Variants in MYO5A observed in about 807,000 individuals in gnomAD.
The protein encoded by MYO5A is unconventional myosin-Va.
MYO5A carries 98 observed loss-of-function variants against 249.7 expected under a neutral mutation model. The ratio of observed to expected loss-of-function variants is 0.39; its 90% CI spans 0.33 to 0.46. MYO5A has a LOEUF of 0.46. Ranked by LOEUF, MYO5A falls within the 20% of genes least tolerant of loss-of-function variation. MYO5A has a pLI of 0.98. For synonymous variants in MYO5A, 778 were observed against 810.6 expected (o/e 0.96, Z 0.68); for missense variants, 1,696 against 2,308.8 (o/e 0.73, Z 5.44).
intron 1 of MYO5A, among the ~76,000 whole-genome samples, chr15:52,479,412 T>C (rs2076670208): frequency 6.6e-6 from 1 of 152,184 alleles, no homozygotes; most frequent in South Asian, 2.1e-4. Flanking sequence ...GGCTACATAG[T>C]TCATCTGAGA....
rs143778830 is a variant in MYO5A at position 52,359,625 on chromosome 15, A to T, written c.3423+343T>A. ...ACAGATATAAAGTAAATAAATAATA[A>T]GTAAAAATAAAATAATTTACCTCAG... On this transcript the variant is annotated intron_variant, in intron 25 of 41. Transcript: ENST00000399233. 4.4e-4 allele frequency among the ~76,000 whole-genome samples: 67 copies of T among 152,332 alleles called. 1 individual carries two copies. In the East Asian group the frequency reaches 7.1e-3, roughly 16 times the overall value.
In MYO5A at chr15:52,330,223, A is replaced by G. The variant is rs2038824605; in HGVS notation, c.4555+130T>C. The G allele has an allele frequency of 6.5e-6, 8 of 1,238,362 alleles. No homozygotes were observed. The South Asian group carries it at 9.7e-5, about 15-fold the overall frequency. 76.7% of individuals were successfully genotyped at this position (1,238,362 alleles called of 1,614,324 possible). ...GGTGTGGTCAGAACACTACTGCAGC[A>G]CTAGAATACATGGTATCTGATGATG... On this transcript the variant is annotated intron_variant, in intron 35 of 41. Transcript: ENST00000399233.
chr15:52,370,187 G>A lies in MYO5A; in HGVS notation c.3048C>T (p.Tyr1016=), dbSNP rs1368649142. The A allele has an allele frequency of 1.2e-6, 2 of 1,613,976 alleles. No homozygotes were observed. The highest frequency in any genetic ancestry group is 2.2e-5 in the East Asian group (1 of 44,888). The change falls in exon 22 of 42, where the codon TAC becomes TAT. Residue 1016 remains tyrosine, a synonymous_variant. Coordinates refer to ENST00000399233, the MANE Select transcript of MYO5A (RefSeq NM_001382347.1). ...TTCCTACCTGCTCTGTTTCTTGTTT[G>A]TATCGATCTGCATGTTCCTCAATGC... ...KKCIEEHADR[Y]KQETEQLVSN...
intron 41 of MYO5A, 88 bp from the exon 42 acceptor site, chr15:52,313,936 C>A: frequency 1.3e-6 from 2 of 1,495,468 alleles, no homozygotes; most frequent in South Asian, 1.2e-5. Context: ...CCCTCAAATT[C>A]TCAACTAATG....
intron 1 of MYO5A, among the ~76,000 whole-genome samples, chr15:52,463,155 A>G (rs2076286599): frequency 6.6e-6 from 1 of 152,164 alleles, no homozygotes; most frequent in Non-Finnish European, 1.5e-5. Flanking sequence ...ATACGCTGAG[A>G]GGGTATTTTG....
chr15:52,491,267 T>C (rs114922538), intron 1 of MYO5A, among the ~76,000 whole-genome samples: 82 of 152,334 alleles, frequency 5.4e-4, no homozygotes, highest in African/African-American at 1.9e-3. Context: ...CCAAGTTGAA[T>C]TAAGAGGGAC....
At chr15:52,416,373 G>A (rs1372426249) in intron 4 of MYO5A, 72 bp from the exon 5 acceptor site, 2 of 1,509,248 alleles carry the variant, frequency 1.3e-6, no homozygotes, top group Non-Finnish European at 1.8e-6. Flanking sequence ...GGAAACTATG[G>A]TCTCTATGGA....
chr15:52,320,969 C>T (rs1350607235), intron 38 of MYO5A, among the ~76,000 whole-genome samples: 7 of 150,746 alleles, frequency 4.6e-5, no homozygotes, highest in African/African-American at 9.8e-5. Flanking sequence ...GCTGAGATCG[C>T]GCCACTGCAC....
At chr15:52,490,486 GA>G (rs1282862738) in intron 1 of MYO5A, among the ~76,000 whole-genome samples, 5 of 152,170 alleles carry the variant, frequency 3.3e-5, no homozygotes, top group Non-Finnish European at 5.9e-5. Context: ...CGACATGGAT[GA>G]ACCTTGAGGA....
chr15:52,486,867 C>G (rs1018252028), intron 1 of MYO5A, among the ~76,000 whole-genome samples: 1 of 152,052 alleles, frequency 6.6e-6, no homozygotes, highest in Non-Finnish European at 1.5e-5. Flanking sequence ...AAGATTCCCA[C>G]GAGGACACAC....
intron 1 of MYO5A, among the ~76,000 whole-genome samples, chr15:52,440,272 CTTTTT>C (rs202124249): frequency 6.9e-6 from 1 of 145,636 alleles, no homozygotes; most frequent in East Asian, 2.0e-4. Flanking sequence ...TTTTCTTTTT[CTTTTT>C]TTTTTTCTGA....
Position 52,421,374 on chromosome 15 carries a change from C to T in MYO5A, c.455+4456G>A, listed in dbSNP as rs548316774. 2.6e-5 allele frequency among the ~76,000 whole-genome samples: 4 copies of T among 152,258 alleles called. No homozygotes were observed. The East Asian group carries it at 7.7e-4, about 29-fold the overall frequency. ...AAGTCAATGAAAAGAGAAATGTAGA[C>T]ATAAGGCCACATAATGATGATGACT... On this transcript the variant is annotated intron_variant, in intron 4 of 41. Transcript: ENST00000399233.
At chr15:52,407,213 T>A in intron 8 of MYO5A, 79 bp downstream of exon 8, 1 of 1,022,146 alleles carries the variant, frequency 9.8e-7, no homozygotes, top group Non-Finnish European at 1.6e-6. Flanking sequence ...TAATAAAAAG[T>A]CAAGCCAATA....
intron 1 of MYO5A, among the ~76,000 whole-genome samples, chr15:52,492,350 C>G: frequency 6.6e-6 from 1 of 152,190 alleles, no homozygotes; most frequent in Non-Finnish European, 1.5e-5. Flanking sequence ...TTTCGAAGAG[C>G]CCTCTCCCAG....
At chr15:52,421,370 T>C (rs2043782618) in intron 4 of MYO5A, among the ~76,000 whole-genome samples, 1 of 152,150 alleles carries the variant, frequency 6.6e-6, no homozygotes, top group African/African-American at 2.4e-5. Context: ...AAGAGAAATG[T>C]AGACATAAGG....
intron 1 of MYO5A, among the ~76,000 whole-genome samples, chr15:52,521,506 T>C (rs1011091947): frequency 6.6e-6 from 1 of 152,198 alleles, no homozygotes; most frequent in East Asian, 1.9e-4. Context: ...TAGCCCAGCA[T>C]CTTGCCCACA....
chr15:52,347,694 T>TA (rs2039711637), intron 29 of MYO5A, among the ~76,000 whole-genome samples: 1 of 152,242 alleles, frequency 6.6e-6, no homozygotes, highest in Non-Finnish European at 1.5e-5. Flanking sequence ...TGTAAGTTTA[T>TA]AAATGCTTCC....
At chr15:52,388,135 G>A (rs572428419) in intron 13 of MYO5A, among the ~76,000 whole-genome samples, 78 of 152,250 alleles carry the variant, frequency 5.1e-4, no homozygotes, top group African/African-American at 1.9e-3. Context: ...CAGTGGTAGC[G>A]CTGATTGTGA....
chr15:52,392,211 A>G, intron 11 of MYO5A, 141 bp from the exon 12 acceptor site: 1 of 806,428 alleles, frequency 1.2e-6, no homozygotes, highest in South Asian at 1.7e-5. Flanking sequence ...TTACACACAG[A>G]GAAAGCAAAT....
Sources: allele counts gnomAD v4.1 joint callset (sites outside exome capture counted in the v4.1 genomes callset), GRCh38; gene constraint gnomAD v4.1.1; transcripts MANE v1.5; gene names NCBI Gene and HGNC (gene_info 2026-07-23, HGNC 2026-07-21).